SIPA1L1: variants seen among roughly 807,000 people sequenced by gnomAD.
SIPA1L1 encodes the protein signal induced proliferation associated 1 like 1, also known as signal-induced proliferation-associated 1-like protein 1.
SIPA1L1 carries 26 observed loss-of-function variants against 162.7 expected under a neutral mutation model. The observed-to-expected ratio is 0.16, with a 90% confidence interval of 0.12 to 0.22. The LOEUF (loss-of-function observed/expected upper bound fraction) is 0.22. Among genes scored for constraint, SIPA1L1 ranks in the 10% least tolerant of loss-of-function variants. The pLI is 1.00. For missense variants in SIPA1L1, 1,874 were observed against 2,241.0 expected (o/e 0.84, Z 3.31); for synonymous variants, 829 against 837.4 (o/e 0.99, Z 0.17).
chr14:71,647,852 A>T (rs2042303005), intron 7 of SIPA1L1, among the ~76,000 whole-genome samples: 1 of 152,142 alleles, frequency 6.6e-6, no homozygotes, highest in Non-Finnish European at 1.5e-5. Flanking sequence ...CAGGCCCGCT[A>T]AGAAAGGGGT....
chr14:71,641,539 A>G (rs760684356), intron 7 of SIPA1L1, among the ~76,000 whole-genome samples: 22 of 152,234 alleles, frequency 1.4e-4, no homozygotes, highest in Non-Finnish European at 2.8e-4. Context: ...TGGCTAATAC[A>G]GTGAAGCCCC....
At chr14:71,519,416 C>T (rs1459362424) in intron 3 of SIPA1L1, among the ~76,000 whole-genome samples, 1 of 152,132 alleles carries the variant, frequency 6.6e-6, no homozygotes, top group Non-Finnish European at 1.5e-5. Context: ...GAAAGTATCC[C>T]CCAATAACAA....
intron 4 of SIPA1L1, among the ~76,000 whole-genome samples, chr14:71,572,240 C>T (rs1213292992): frequency 1.3e-5 from 2 of 152,206 alleles, no homozygotes; most frequent in African/African-American, 4.8e-5. Context: ...TCTTAAAGGC[C>T]TCTCCTCTCA....
chr14:71,567,620 G>A (rs1351767123), intron 4 of SIPA1L1, among the ~76,000 whole-genome samples: 1 of 150,510 alleles, frequency 6.6e-6, no homozygotes, highest in East Asian at 1.9e-4. Flanking sequence ...AGTTTTCTGG[G>A]AATGAGGTGG....
At chr14:71,385,476 A>G (rs2040239262) in intron 2 of SIPA1L1, among the ~76,000 whole-genome samples, 1 of 152,194 alleles carries the variant, frequency 6.6e-6, no homozygotes, top group South Asian at 2.1e-4. Context: ...TTGTTCCCTA[A>G]TAAAACCTCT....
rs577938063 is a variant in SIPA1L1, at chr14:71,351,848, C to T, written c.-465+30667C>T. 3.3e-5 allele frequency among the ~76,000 whole-genome samples: 5 copies of T among 152,080 alleles called. No individual in the cohort carries two copies. The South Asian group carries it at 1.0e-3, about 32-fold the overall frequency. ...TCTATATTGAGTGCCTACTATCTTC[C>T]AGGTGTTATTCTAGCTACTGGGGAC... On this transcript the variant is annotated intron_variant, in intron 2 of 23. Coordinates refer to ENST00000381232, the MANE Select transcript of SIPA1L1 (RefSeq NM_001386936.1).
At chr14:71,576,850 C>T (rs1045496210) in intron 4 of SIPA1L1, among the ~76,000 whole-genome samples, 23 of 151,988 alleles carry the variant, frequency 1.5e-4, no homozygotes, top group Admixed American at 1.3e-3. Flanking sequence ...TTTGGGAAGC[C>T]GAGGCAGCTG....
chr14:71,409,739 TA>T (rs1459054726), intron 2 of SIPA1L1, among the ~76,000 whole-genome samples: 1 of 152,220 alleles, frequency 6.6e-6, no homozygotes, highest in Non-Finnish European at 1.5e-5. Context: ...CTGGGAGTGA[TA>T]GGCCATCACA....
At chr14:71,375,399 T>C (rs1161321954) in intron 2 of SIPA1L1, among the ~76,000 whole-genome samples, 1 of 152,220 alleles carries the variant, frequency 6.6e-6, no homozygotes. Context: ...AATTGTCTGC[T>C]ACTAATATGT....
At chr14:71,493,508 AT>A (rs2049464455) in intron 2 of SIPA1L1, among the ~76,000 whole-genome samples, 1 of 152,256 alleles carries the variant, frequency 6.6e-6, no homozygotes, top group South Asian at 2.1e-4. Context: ...AAACAATTAA[AT>A]TGATTAACCA....
At chr14:71,547,271 C>T (rs1191671631) in intron 4 of SIPA1L1, among the ~76,000 whole-genome samples, 11 of 145,876 alleles carry the variant, frequency 7.5e-5, no homozygotes, top group East Asian at 2.0e-4. Context: ...TCATAAGATT[C>T]GTCACTTAAT....
intron 2 of SIPA1L1, among the ~76,000 whole-genome samples, chr14:71,337,354 T>C (rs2035202470): frequency 6.6e-6 from 1 of 152,178 alleles, no homozygotes; most frequent in Non-Finnish European, 1.5e-5. Context: ...GGAGGCTGTA[T>C]CAGTCTCTTC....
chr14:71,644,950 G>T (rs552459539), intron 7 of SIPA1L1, among the ~76,000 whole-genome samples: 1 of 152,282 alleles, frequency 6.6e-6, no homozygotes, highest in East Asian at 1.9e-4. Flanking sequence ...CCTACTCAGT[G>T]CCTTAAAACA....
chr14:71,357,942 G>A (rs1167287234), intron 2 of SIPA1L1, among the ~76,000 whole-genome samples: 1 of 152,176 alleles, frequency 6.6e-6, no homozygotes, highest in Non-Finnish European at 1.5e-5. Context: ...ACATTGGCCA[G>A]GTTGGTCTCG....
chr14:71,367,858 C>T (rs537194595), intron 2 of SIPA1L1, among the ~76,000 whole-genome samples: 21 of 150,958 alleles, frequency 1.4e-4, no homozygotes, highest in Admixed American at 6.6e-4. Context: ...TCCCCTGCAT[C>T]GGCCTCCCAA....
intron 7 of SIPA1L1, among the ~76,000 whole-genome samples, chr14:71,634,318 C>T (rs966680294): frequency 3.3e-5 from 5 of 150,102 alleles, no homozygotes; most frequent in African/African-American, 1.2e-4. Context: ...AGGAGAATTG[C>T]TTGAACCCAG....
intron 2 of SIPA1L1, among the ~76,000 whole-genome samples, chr14:71,458,181 G>A (rs1328972993): frequency 6.6e-6 from 1 of 151,988 alleles, no homozygotes; most frequent in African/African-American, 2.4e-5. Context: ...TTTTGGCCTT[G>A]AGTTCAAGTG....
At chr14:71,459,824 A>G (rs1231196933) in intron 2 of SIPA1L1, among the ~76,000 whole-genome samples, 3 of 152,120 alleles carry the variant, frequency 2.0e-5, no homozygotes, top group Non-Finnish European at 4.4e-5. Flanking sequence ...ACACTCTTCA[A>G]TCTATTCGAG....
intron 8 of SIPA1L1, among the ~76,000 whole-genome samples, chr14:71,651,425 C>A (rs2149090179): frequency 6.6e-6 from 1 of 152,302 alleles, no homozygotes; most frequent in South Asian, 2.1e-4. Flanking sequence ...GAAGAATTTC[C>A]TGTTGCCATG....
Sources: allele counts gnomAD v4.1 joint callset (sites outside exome capture counted in the v4.1 genomes callset), GRCh38; gene constraint gnomAD v4.1.1; transcripts MANE v1.5; gene names NCBI Gene and HGNC (gene_info 2026-07-23, HGNC 2026-07-21).